Variants in CAMTA1 observed in about 807,000 individuals in gnomAD.
CAMTA1 encodes the protein calmodulin-binding transcription activator 1.
CAMTA1 carries 27 observed loss-of-function variants against 170.9 expected under a neutral mutation model. The ratio of observed to expected loss-of-function variants is 0.16; its 90% CI spans 0.12 to 0.22. The LOEUF is 0.22. Ranked by LOEUF, CAMTA1 falls within the 10% of genes least tolerant of loss-of-function variation. The probability of loss-of-function intolerance (pLI) is 1.00; values close to 1 mark genes in which losing one functional copy is unlikely to be tolerated. For missense variants in CAMTA1, 1,619 were observed against 2,217.2 expected (o/e 0.73, Z 5.42); for synonymous variants, 833 against 891.5 (o/e 0.93, Z 1.17).
intron 4 of CAMTA1, among the ~76,000 whole-genome samples, chr1:7,126,183 C>A (rs753857180): frequency 1.2e-4 from 19 of 152,164 alleles, no homozygotes; most frequent in Non-Finnish European, 2.4e-4. Context: ...GTCCCTCCCA[C>A]AACACTGGGG....
At chr1:7,546,869 A>G (rs1383055485) in intron 6 of CAMTA1, among the ~76,000 whole-genome samples, 1 of 152,150 alleles carries the variant, frequency 6.6e-6, no homozygotes, top group Non-Finnish European at 1.5e-5. Context: ...CACCTTGACC[A>G]CTTAATTCAG....
Position 7,664,701 on chromosome 1 carries a change from C to T in CAMTA1, c.2154C>T (p.Tyr718=). 1 of 1,608,358 alleles carries T rather than the reference C, an allele frequency of 6.2e-7. No individual in the cohort carries two copies. The highest frequency in any genetic ancestry group is 2.2e-5 in the East Asian group (1 of 44,678). ...GELQACSSEH[Y]LQPETNGVIR... ...TGCAGGCTTGCAGCTCTGAGCACTA[C>T]CTGCAGCCGGAGACCAACGGGGTAA... Residue 718 remains tyrosine, a synonymous_variant, in exon 9 of 23, where the codon TAC becomes TAT. Coordinates refer to ENST00000303635, the MANE Select transcript of CAMTA1 (RefSeq NM_015215.4).
chr1:6,983,563 A>T (rs1313155051), intron 3 of CAMTA1, among the ~76,000 whole-genome samples: 3 of 152,208 alleles, frequency 2.0e-5, no homozygotes, highest in Non-Finnish European at 2.9e-5. Flanking sequence ...CTTTTGTATT[A>T]TTTCATATTT....
Position 7,640,339 on chromosome 1 carries a change from G to A in CAMTA1, c.511-61G>A, listed in dbSNP as rs1019655226. On this transcript the variant is annotated intron_variant, in intron 6 of 22. Coordinates refer to ENST00000303635, the MANE Select transcript of CAMTA1 (RefSeq NM_015215.4). Reference sequence around the variant, plus strand: ...TGCCTGCACCTGCGGGGTTGGGGGCGGCCCTGACCCTGGTGGGCTCCATGC... The same window carrying A: ...TGCCTGCACCTGCGGGGTTGGGGGCAGCCCTGACCCTGGTGGGCTCCATGC... 52 of 1,592,074 alleles carry A rather than the reference G, an allele frequency of 3.3e-5. No homozygotes were observed. The South Asian group carries it at 4.2e-4, about 13-fold the overall frequency.
rs544651057 is a variant in CAMTA1, at chr1:7,249,143, G to A, written c.303-348G>A. ...GAGATAAGATATTGCAGGCTGCCAC[G>A]ACACCCCTGGCTCTTTTTGCTTTCT... On this transcript the variant is annotated intron_variant, in intron 4 of 22. Transcript: ENST00000303635. The surrounding 1 kb of genome is among the most constrained non-coding windows in gnomAD (Gnocchi z 4.4). Among the ~76,000 whole-genome samples, 17 of 152,252 alleles carry A rather than the reference G, an allele frequency of 1.1e-4. No homozygotes were observed. Among genetic ancestry groups the A allele is most frequent in the Admixed American group, 8.5e-4 (13 of 15,294 alleles).
At chr1:6,793,630 T>C (rs111367733) in intron 1 of CAMTA1, among the ~76,000 whole-genome samples, 3 of 152,208 alleles carry the variant, frequency 2.0e-5, no homozygotes, top group Non-Finnish European at 4.4e-5. Flanking sequence ...TTAATCTCTT[T>C]TACAGTGTGC....
At chr1:7,119,215 C>A (rs1573212816) in intron 4 of CAMTA1, among the ~76,000 whole-genome samples, 1 of 152,330 alleles carries the variant, frequency 6.6e-6, no homozygotes, top group Middle Eastern at 3.4e-3. Flanking sequence ...TCCTTTGGTG[C>A]AGTCTCTCCC....
chr1:6,788,158 TCTCCCTCC>T lies in CAMTA1; in HGVS notation c.45+2602_45+2609del, dbSNP rs111997145. Among the ~76,000 whole-genome samples, 75 of 150,094 alleles carry T rather than the reference TCTCCCTCC, an allele frequency of 5.0e-4. 1 individual carries two copies. The highest frequency in any genetic ancestry group is 1.7e-3 in the African/African-American group (71 of 40,632). ...TAGTCAGGTGCTTTGCCTCCTCAGGTCTCCCTCCCTCCCTCCCTCCCTCCCTTTCTCCC... is the reference window on the plus strand; with the variant it reads ...TAGTCAGGTGCTTTGCCTCCTCAGGTCTCCCTCCCTCCCTCCCTTTCTCCC... On this transcript the variant is annotated intron_variant, in intron 1 of 22. Transcript: ENST00000303635.
chr1:7,272,157 G>T (rs535117617), intron 5 of CAMTA1, among the ~76,000 whole-genome samples: 2 of 152,108 alleles, frequency 1.3e-5, no homozygotes, highest in East Asian at 3.9e-4. Context: ...ATAGCATCAA[G>T]AAGAATATAA....
At chr1:7,702,522 G>A (rs555154805) in intron 11 of CAMTA1, among the ~76,000 whole-genome samples, 2 of 152,212 alleles carry the variant, frequency 1.3e-5, no homozygotes, top group South Asian at 4.1e-4. Context: ...ACCCCTGCTG[G>A]TCTCTTGCTC....
chr1:6,981,509 C>T lies in CAMTA1; in HGVS notation c.235-109795C>T, dbSNP rs568578516. ...GTGCAGTAGTGTGATCATGGCTCAC[C>T]GCAGCCTTAACCTCCTGGGCTCAAG... On this transcript the variant is annotated intron_variant, in intron 3 of 22. Coordinates refer to ENST00000303635, the MANE Select transcript of CAMTA1 (RefSeq NM_015215.4). Among the ~76,000 whole-genome samples, 178 of 152,234 alleles carry T rather than the reference C, an allele frequency of 1.2e-3. 1 individual carries two copies. Among genetic ancestry groups the T allele is most frequent in the Non-Finnish European group, 2.1e-3 (146 of 68,022 alleles).
intron 6 of CAMTA1, among the ~76,000 whole-genome samples, chr1:7,517,384 C>T (rs1309154974): frequency 6.6e-6 from 1 of 152,162 alleles, no homozygotes; most frequent in Non-Finnish European, 1.5e-5. Context: ...ACTTTAATTT[C>T]CCTAAAGCTG....
rs2096214456 is a variant in CAMTA1 at position 7,682,258 on chromosome 1, G to A, written c.2914+4525G>A. 6.6e-6 allele frequency among the ~76,000 whole-genome samples: 1 copy of A among 152,226 alleles called. No homozygotes were observed. Among genetic ancestry groups the A allele is most frequent in the South Asian group, 2.1e-4 (1 of 4,830 alleles). On this transcript the variant is annotated intron_variant, in intron 11 of 22. Transcript: ENST00000303635. The surrounding 1 kb of genome is among the most constrained non-coding windows in gnomAD (Gnocchi z 5.0). ...ATCCAGTTGCCTGCTTCCTGGGCAA[G>A]CCTCAGTGTAAGGTGGGTGAGCCCA...
intron 6 of CAMTA1, among the ~76,000 whole-genome samples, chr1:7,553,964 T>A (rs527780782): frequency 6.6e-6 from 1 of 152,310 alleles, no homozygotes. Context: ...TAGCAATTTG[T>A]ACTCAGGTTC....
chr1:6,911,836 G>T (rs1406403265), intron 3 of CAMTA1, among the ~76,000 whole-genome samples: 2 of 152,164 alleles, frequency 1.3e-5, no homozygotes, highest in African/African-American at 4.8e-5. Flanking sequence ...GCTCTGTTCC[G>T]CGAGCCCTGC....
rs1327196137 is a variant in CAMTA1, at chr1:7,064,293, C to T, written c.235-27011C>T. On this transcript the variant is annotated intron_variant, in intron 3 of 22. Coordinates refer to ENST00000303635, the MANE Select transcript of CAMTA1 (RefSeq NM_015215.4). This position sits in a 1 kb window ranked among gnomAD's most constrained non-coding sequence, Gnocchi z 5.4. ...CTCTCTCTCACTCTCTCCCTCCCTC[C>T]CTCTCTCCTTATGAAGCCATTAATA... Among the ~76,000 whole-genome samples the T allele has an allele frequency of 6.6e-6, 1 of 152,012 alleles. No homozygotes were observed. Among genetic ancestry groups the T allele is most frequent in the African/African-American group, 2.4e-5 (1 of 41,362 alleles).
chr1:7,358,715 T>G (rs1328150453), intron 5 of CAMTA1, among the ~76,000 whole-genome samples: 1 of 152,206 alleles, frequency 6.6e-6, no homozygotes, highest in Non-Finnish European at 1.5e-5. Flanking sequence ...CCTTTTCTTG[T>G]GTGAGCCAGC....
chr1:7,552,140 C>A (rs2094811569), intron 6 of CAMTA1, among the ~76,000 whole-genome samples: 1 of 152,328 alleles, frequency 6.6e-6, no homozygotes, highest in Non-Finnish European at 1.5e-5. Context: ...TTTGACAGAG[C>A]AAGGCTGATG....
At chr1:7,290,924 G>T (rs932382256) in intron 5 of CAMTA1, among the ~76,000 whole-genome samples, 1 of 152,092 alleles carries the variant, frequency 6.6e-6, no homozygotes, top group Non-Finnish European at 1.5e-5. Flanking sequence ...GGGCTCCTGG[G>T]GGGGTGAAGT....
Sources: gnomAD v4.1 joint callset for allele counts (sites outside exome capture counted in the v4.1 genomes callset) on GRCh38, gnomAD v4.1.1 for gene constraint, Gnocchi (gnomAD v3.1) non-coding constraint, MANE v1.5 for transcripts, NCBI Gene and HGNC (gene_info 2026-07-23, HGNC 2026-07-21) for gene names.